The following ELMOD1 variants were observed in gnomAD, a reference collection of about 807,000 sequenced individuals.
ELMOD1 encodes ELMO domain-containing protein 1.
Under a neutral mutation model 46.7 loss-of-function variants are expected in ELMOD1, and 21 were observed. The observed-to-expected ratio is 0.45, with a 90% CI of 0.32 to 0.65. The LOEUF is 0.65. Ranked by LOEUF, ELMOD1 falls within the 30% of genes least tolerant of loss-of-function variation. ELMOD1 has a pLI of 0.04. For missense variants in ELMOD1, 348 were observed against 407.8 expected (o/e 0.85, Z 1.26); for synonymous variants, 122 against 138.2 (o/e 0.88, Z 0.82).
At position 107,655,938 on chromosome 11, in the gene ELMOD1, C is replaced by T. The variant is rs1474978047; in HGVS notation, c.704C>T (p.Ser235Leu). 2 of 1,606,782 alleles carry T rather than the reference C, an allele frequency of 1.2e-6. No individual in the cohort carries two copies. Among genetic ancestry groups the T allele is most frequent in the Non-Finnish European group, 1.7e-6 (2 of 1,176,172 alleles). ...KKRMDKAIGY[S>L]FAIVGINITD... ...TTGTGGTTTATACTTTATAGGTACT[C>T]ATTTGCAATTGTGGGCATCAATATA... The change falls in exon 11 of 12, where the codon TCA becomes TTA. Residue 235 changes from serine (S) to leucine (L), a missense_variant. Ser to Leu is a moderately radical substitution (Grantham distance 145, BLOSUM62 -2). Coordinates refer to ENST00000265840, the MANE Select transcript of ELMOD1 (RefSeq NM_018712.4).
chr11:107,651,968 A>C (rs1466147830), intron 9 of ELMOD1, among the ~76,000 whole-genome samples: 1 of 152,214 alleles, frequency 6.6e-6, no homozygotes, highest in Non-Finnish European at 1.5e-5. Flanking sequence ...GTTTGGGGTG[A>C]CTACTCTTAC....
intron 1 of ELMOD1, chr11:107,593,086 G>A (rs1424556696): frequency 6.6e-6 from 1 of 152,616 alleles, no homozygotes; most frequent in Non-Finnish European, 1.5e-5. Flanking sequence ...TACATTTAGG[G>A]AAGGCTTTTC....
At chr11:107,650,527 C>T (rs1866508270) in intron 8 of ELMOD1, 124 bp downstream of exon 8, 1 of 751,280 alleles carries the variant, frequency 1.3e-6, no homozygotes, top group South Asian at 1.7e-5. Context: ...TCAAACAAGC[C>T]CTTGTAATAA....
chr11:107,637,688 A>G (rs1480649900), intron 6 of ELMOD1, among the ~76,000 whole-genome samples: 2 of 146,714 alleles, frequency 1.4e-5, no homozygotes, highest in Admixed American at 6.9e-5. Flanking sequence ...GCAAGACTCC[A>G]TCTCAAAACA....
chr11:107,656,102 T>G (rs1265513248), intron 11 of ELMOD1, 36 bp downstream of exon 11: 6 of 1,548,410 alleles, frequency 3.9e-6, no homozygotes, highest in Non-Finnish European at 5.2e-6. Flanking sequence ...AATATAGGTT[T>G]CTACGCTGGG....
intron 1 of ELMOD1, among the ~76,000 whole-genome samples, chr11:107,611,631 G>A (rs1865782317): frequency 6.6e-6 from 1 of 150,830 alleles, no homozygotes; most frequent in Admixed American, 6.6e-5. Context: ...CGTGAACCTG[G>A]GAGGTGGAGC....
Position 107,647,606 on chromosome 11 carries a change from G to A in ELMOD1, c.554+5G>A. 1 of 1,610,562 alleles carries A rather than the reference G, an allele frequency of 6.2e-7. No homozygotes were observed. Among genetic ancestry groups the A allele is most frequent in the Non-Finnish European group, 8.5e-7 (1 of 1,178,622 alleles). On this transcript the variant is annotated splice_donor_5th_base_variant and intron_variant, in intron 7 of 11. Coordinates refer to ENST00000265840, the MANE Select transcript of ELMOD1 (RefSeq NM_018712.4). ...TCTGGGACTGTACAATTTGCAGTAA[G>A]TAAAATGAAGGACAGCTAAGTGTTC...
chr11:107,592,551 A>G, intron 1 of ELMOD1: 2 of 394,980 alleles, frequency 5.1e-6, no homozygotes, highest in Non-Finnish European at 5.5e-6. Flanking sequence ...ACCTATTATG[A>G]CAACACGTAG....
chr11:107,651,910 T>C (rs1692110560), intron 9 of ELMOD1, among the ~76,000 whole-genome samples: 2 of 152,192 alleles, frequency 1.3e-5, no homozygotes, highest in African/African-American at 2.4e-5. Context: ...AAGAAAAGCT[T>C]CATAGTTGTA....
chr11:107,622,681 C>T (rs1230835638), intron 2 of ELMOD1, among the ~76,000 whole-genome samples: 1 of 152,222 alleles, frequency 6.6e-6, no homozygotes, highest in Non-Finnish European at 1.5e-5. Context: ...GCATGACCCA[C>T]TTTCCATTGC....
intron 2 of ELMOD1, among the ~76,000 whole-genome samples, chr11:107,628,253 G>A (rs542665879): frequency 3.9e-5 from 6 of 151,924 alleles, no homozygotes; most frequent in East Asian, 1.9e-4. Context: ...TGCAACCTCC[G>A]CCTCCTGGGT....
At chr11:107,637,750 G>A (rs1036031973) in intron 6 of ELMOD1, among the ~76,000 whole-genome samples, 2 of 151,770 alleles carry the variant, frequency 1.3e-5, no homozygotes, top group Non-Finnish European at 2.9e-5. Flanking sequence ...AGCACCCTAA[G>A]GTATCTTTGA....
At chr11:107,644,701 C>G (rs1022381706) in intron 6 of ELMOD1, among the ~76,000 whole-genome samples, 18 of 152,158 alleles carry the variant, frequency 1.2e-4, no homozygotes, top group Middle Eastern at 3.4e-3. Context: ...GTCTCGATCT[C>G]CTGACCTCGT....
chr11:107,655,391 T>C (rs1198405342), intron 10 of ELMOD1, among the ~76,000 whole-genome samples: 1 of 152,098 alleles, frequency 6.6e-6, no homozygotes, highest in Non-Finnish European at 1.5e-5. Context: ...TTTTTTTCTG[T>C]CATATATTTG....
chr11:107,608,494 G>A (rs188543668), intron 1 of ELMOD1, among the ~76,000 whole-genome samples: 8 of 152,230 alleles, frequency 5.3e-5, no homozygotes, highest in Admixed American at 4.6e-4. Context: ...AGTGTGGACC[G>A]GAAGCTTGAA....
intron 2 of ELMOD1, among the ~76,000 whole-genome samples, chr11:107,629,284 T>G (rs917896539): frequency 6.6e-6 from 1 of 152,164 alleles, no homozygotes; most frequent in African/African-American, 2.4e-5. Context: ...ACTAGTTAAC[T>G]ACTCCAGTAT....
At chr11:107,592,103 T>C in intron 1 of ELMOD1, 1 of 369,174 alleles carries the variant, frequency 2.7e-6, no homozygotes, top group Non-Finnish European at 5.7e-6. Flanking sequence ...TTGTGGGTGC[T>C]TTTTTTTGTT....
rs763263117 is a variant in ELMOD1, at chr11:107,635,684, G to A, written c.339G>A (p.Arg113=). 9 of 1,613,776 alleles carry A rather than the reference G, an allele frequency of 5.6e-6. No homozygotes were observed. In the African/African-American group the frequency reaches 9.3e-5, roughly 17 times the overall value. Reference sequence around the variant, plus strand: ...GCCTTCTGCAAATCGTTGGGTACAGGAACCTTATTGCAGATGTGGAAAAAC... The same window carrying A: ...GCCTTCTGCAAATCGTTGGGTACAGAAACCTTATTGCAGATGTGGAAAAAC... ...QACLLQIVGY[R]NLIADVEKLR... is the part of the protein sequence containing the mutation. The change falls in exon 6 of 12, where the codon AGG becomes AGA. Residue 113 remains arginine (R), a synonymous_variant. Transcript: ENST00000265840.
chr11:107,613,181 T>C (rs972514527), intron 1 of ELMOD1, among the ~76,000 whole-genome samples: 1 of 152,206 alleles, frequency 6.6e-6, no homozygotes, highest in Non-Finnish European at 1.5e-5. Flanking sequence ...GATCTTTTAC[T>C]TTAGAGGAGA....
Sources: gnomAD v4.1 joint callset for allele counts (sites outside exome capture counted in the v4.1 genomes callset) on GRCh38, gnomAD v4.1.1 for gene constraint, MANE v1.5 for transcripts, NCBI Gene and HGNC (gene_info 2026-07-23, HGNC 2026-07-21) for gene names.